The following EEFSEC variants were observed in gnomAD, a reference collection of about 807,000 sequenced individuals.
The protein encoded by EEFSEC is eukaryotic elongation factor, selenocysteine-tRNA specific.
In EEFSEC, 43 loss-of-function variants were observed where a neutral mutation model predicts 42.1. The ratio of observed to expected loss-of-function variants is 1.02; its 90% confidence interval spans 0.80 to 1.32. The LOEUF is 1.32. EEFSEC is among the 40% of genes most tolerant of loss of function. The pLI, the probability that EEFSEC is intolerant of heterozygous loss-of-function variation, is 0.00. For missense variants in EEFSEC, 745 were observed against 803.6 expected (o/e 0.93, Z 0.88); for synonymous variants, 354 against 339.1 (o/e 1.04, Z -0.48).
intron 5 of EEFSEC, among the ~76,000 whole-genome samples, chr3:128,348,155 A>C (rs991595537): frequency 1.4e-4 from 22 of 152,188 alleles, no homozygotes; most frequent in African/African-American, 5.3e-4. Context: ...AAAAAACCCT[A>C]ATAGATTTTA....
chr3:128,316,488 G>A (rs926721613), intron 4 of EEFSEC, among the ~76,000 whole-genome samples: 1 of 152,200 alleles, frequency 6.6e-6, no homozygotes, highest in African/African-American at 2.4e-5. Flanking sequence ...CTGCACTCTT[G>A]CCCCATCCCC....
At chr3:128,201,249 C>T (rs1345487612) in intron 1 of EEFSEC, among the ~76,000 whole-genome samples, 1 of 152,058 alleles carries the variant, frequency 6.6e-6, no homozygotes, top group Non-Finnish European at 1.5e-5. Flanking sequence ...ATACTTTGGG[C>T]AACACCATGC....
At chr3:128,250,730 G>A (rs555884384) in intron 2 of EEFSEC, among the ~76,000 whole-genome samples, 2 of 152,226 alleles carry the variant, frequency 1.3e-5, no homozygotes, top group East Asian at 1.9e-4. Flanking sequence ...GCTCCTTGCA[G>A]TTCCACATGA....
At chr3:128,389,969 T>C (rs1285424558) in intron 6 of EEFSEC, among the ~76,000 whole-genome samples, 3 of 152,202 alleles carry the variant, frequency 2.0e-5, no homozygotes, top group East Asian at 1.9e-4. Context: ...GCCCGTAAGA[T>C]GCTGTGGATT....
At position 128,341,471 on chromosome 3, in the gene EEFSEC, A is replaced by G. The variant is rs1459900195; in HGVS notation, c.1025A>G (p.Glu342Gly). The change falls in exon 5 of 7, where the codon GAA (glutamate) becomes GGA (glycine). Residue 342 changes from glutamate (E) to glycine (G), a missense_variant. Physicochemically the swap from Glu to Gly is moderately conservative, Grantham distance 98. Transcript: ENST00000254730. ...AAGTTCCACATTACAGTGGGCCATG[A>G]AACAGTCATGGGCCGGTTGATGTTC... ...KAKFHITVGH[E>G]TVMGRLMFFS... 1 of 1,614,190 alleles carries G rather than the reference A, an allele frequency of 6.2e-7. No individual in the cohort carries two copies. The highest frequency in any genetic ancestry group is 1.1e-5 in the South Asian group (1 of 91,080).
At position 128,238,681 on chromosome 3, in the gene EEFSEC, G is replaced by T. The variant is rs543617369; in HGVS notation, c.317-8155G>T. ...TTTTTTGTATTTTAGTAGAGACGGG[G>T]TTTCATCATGTTAGCCCAAGCTGTT... On this transcript the variant is annotated intron_variant, in intron 1 of 6. Transcript: ENST00000254730. 3.9e-5 allele frequency among the ~76,000 whole-genome samples: 6 copies of T among 152,282 alleles called. No individual in the cohort carries two copies. The South Asian group carries it at 1.0e-3, about 26-fold the overall frequency.
intron 5 of EEFSEC, among the ~76,000 whole-genome samples, chr3:128,348,370 A>G (rs994971364): frequency 1.3e-5 from 2 of 151,984 alleles, no homozygotes; most frequent in African/African-American, 4.8e-5. Flanking sequence ...TTCTCATACT[A>G]TCATAGAATG....
In EEFSEC at chr3:128,167,199, A is replaced by G. The variant is rs138927435; in HGVS notation, c.316+13376A>G. Reference sequence around the variant, plus strand: ...AGGTCACCCTCATTTGAGGGCCTGTAACATCCTACACATTCCCCTATGATC... The same window carrying G: ...AGGTCACCCTCATTTGAGGGCCTGTGACATCCTACACATTCCCCTATGATC... On this transcript the variant is annotated intron_variant, in intron 1 of 6. Coordinates refer to ENST00000254730, the MANE Select transcript of EEFSEC (RefSeq NM_021937.5). Among the ~76,000 whole-genome samples the G allele has an allele frequency of 1.5e-4, 23 of 152,234 alleles. 1 individual carries two copies. The East Asian group carries it at 3.3e-3, about 22-fold the overall frequency.
intron 4 of EEFSEC, among the ~76,000 whole-genome samples, chr3:128,339,489 AG>A (rs2067226853): frequency 6.6e-6 from 1 of 152,228 alleles, no homozygotes; most frequent in Non-Finnish European, 1.5e-5. Context: ...CTCATCTCAG[AG>A]ACAGTGGATC....
At chr3:128,251,296 T>G (rs2066184265) in intron 2 of EEFSEC, among the ~76,000 whole-genome samples, 1 of 152,236 alleles carries the variant, frequency 6.6e-6, no homozygotes, top group African/African-American at 2.4e-5. Flanking sequence ...TGTACATCAT[T>G]AAACTGTATT....
At chr3:128,259,244 T>C (rs990358674) in intron 2 of EEFSEC, among the ~76,000 whole-genome samples, 1 of 152,104 alleles carries the variant, frequency 6.6e-6, no homozygotes, top group African/African-American at 2.4e-5. Flanking sequence ...GTCAGGAAGG[T>C]AAGGGTGGCT....
intron 1 of EEFSEC, among the ~76,000 whole-genome samples, chr3:128,228,536 C>T (rs370334711): frequency 1.2e-4 from 19 of 152,026 alleles, no homozygotes; most frequent in African/African-American, 4.4e-4. Flanking sequence ...GGCCCAACCA[C>T]ACTGGCCTTC....
At position 128,153,531 on chromosome 3, in the gene EEFSEC, G is replaced by A; in HGVS notation, c.24G>A (p.Val8=). Residue 8 remains valine, a synonymous_variant, in exon 1 of 7, where the codon GTG becomes GTA. Coordinates refer to ENST00000254730, the MANE Select transcript of EEFSEC (RefSeq NM_021937.5). ...GCATGGCAGGGCGGCGGGTGAACGTGAACGTGGGCGTGCTGGGCCACATCG... is the reference window on the plus strand; with the variant it reads ...GCATGGCAGGGCGGCGGGTGAACGTAAACGTGGGCGTGCTGGGCCACATCG... MAGRRVN[V]NVGVLGHIDS... is the part of the protein sequence containing the mutation. 1 of 1,518,884 alleles carries A rather than the reference G, an allele frequency of 6.6e-7. No homozygotes were observed. 94.1% of individuals were successfully genotyped at this position (1,518,884 alleles called of 1,614,324 possible).
downstream of EEFSEC, among the ~76,000 whole-genome samples, chr3:128,410,204 G>A (rs1301512629): frequency 1.3e-5 from 2 of 152,176 alleles, no homozygotes; most frequent in Admixed American, 1.3e-4. Flanking sequence ...CACTTCTTAG[G>A]CGAGGAAACC....
intron 5 of EEFSEC, among the ~76,000 whole-genome samples, chr3:128,357,814 G>T (rs954744217): frequency 6.6e-6 from 1 of 151,858 alleles, no homozygotes; most frequent in South Asian, 2.1e-4. Flanking sequence ...GGTGGGGGGG[G>T]CCTGCAACAG....
At chr3:128,290,648 A>G (rs1412623223) in intron 4 of EEFSEC, among the ~76,000 whole-genome samples, 3 of 152,032 alleles carry the variant, frequency 2.0e-5, no homozygotes, top group Non-Finnish European at 4.4e-5. Context: ...AATTGATATC[A>G]GTATTGAGTA....
In EEFSEC at chr3:128,384,870, G is replaced by A. The variant is rs1350852191; in HGVS notation, c.1601-23199G>A. 4.3e-4 allele frequency among the ~76,000 whole-genome samples: 65 copies of A among 152,172 alleles called. 1 individual carries two copies. Among genetic ancestry groups the A allele is most frequent in the Non-Finnish European group, 1.5e-5 (1 of 68,018 alleles). On this transcript the variant is annotated intron_variant, in intron 6 of 6. Transcript: ENST00000254730. ...AGAGGAAATTACTGAGGGCCAAAGT[G>A]GTGCAGGGCTGTCCCCAGGTTGCCC... is the stretch of plus-strand genomic sequence containing the variant.
intron 4 of EEFSEC, among the ~76,000 whole-genome samples, chr3:128,314,835 G>A (rs2066927768): frequency 6.6e-6 from 1 of 152,204 alleles, no homozygotes; most frequent in Non-Finnish European, 1.5e-5. Flanking sequence ...CCCAGGTTGA[G>A]AACCACTGCT....
chr3:128,178,190 G>A (rs1032280149), intron 1 of EEFSEC, among the ~76,000 whole-genome samples: 2 of 152,132 alleles, frequency 1.3e-5, no homozygotes, highest in African/African-American at 4.8e-5. Flanking sequence ...TTTTATAAAT[G>A]AGGTCTTTTT....
Sources: gnomAD v4.1 joint callset for allele counts (sites outside exome capture counted in the v4.1 genomes callset) on GRCh38, gnomAD v4.1.1 for gene constraint, MANE v1.5 for transcripts, NCBI Gene and HGNC (gene_info 2026-07-23, HGNC 2026-07-21) for gene names.